Variants in CLEC16A observed in about 807,000 individuals in gnomAD.
CLEC16A encodes the protein protein CLEC16A.
In CLEC16A, 51 loss-of-function variants were observed where a neutral mutation model predicts 109.5. The observed-to-expected ratio is 0.47, with a 90% CI of 0.37 to 0.59. The LOEUF (loss-of-function observed/expected upper bound fraction) is 0.59. Among genes scored for constraint, CLEC16A ranks in the 20% least tolerant of loss-of-function variants. CLEC16A has a pLI of 0.00. For missense variants in CLEC16A, 1,339 were observed against 1,394.0 expected, an observed-to-expected ratio of 0.96 and a Z score of 0.63; for synonymous variants, 673 against 564.2, an observed-to-expected ratio of 1.19 and a Z score of -2.73.
chr16:11,111,063 T>G (rs1170047591), intron 19 of CLEC16A, among the ~76,000 whole-genome samples: 1 of 152,040 alleles, frequency 6.6e-6, no homozygotes, highest in African/African-American at 2.4e-5. Flanking sequence ...CTGAGTTGTT[T>G]CTCTAGGCCA....
chr16:11,154,163 T>C (rs184258548), intron 22 of CLEC16A, among the ~76,000 whole-genome samples: 8 of 152,352 alleles, frequency 5.3e-5, no homozygotes, highest in African/African-American at 1.7e-4. Flanking sequence ...TTGAATACAC[T>C]GCTGGCTGTT....
intron 18 of CLEC16A, 118 bp downstream of exon 18, chr16:11,051,759 C>T (rs2047953559): frequency 4.6e-6 from 6 of 1,317,364 alleles, no homozygotes; most frequent in Non-Finnish European, 6.3e-6. Flanking sequence ...ACAGCTTAGA[C>T]AGTGGATAGA....
intron 11 of CLEC16A, among the ~76,000 whole-genome samples, chr16:11,019,062 G>T (rs540888645): frequency 4.4e-4 from 67 of 152,326 alleles, no homozygotes; most frequent in South Asian, 8.3e-4. Flanking sequence ...GGCAGAGGCG[G>T]TGTCTGAGCC....
At chr16:11,106,515 T>C (rs547577362) in intron 19 of CLEC16A, among the ~76,000 whole-genome samples, 26 of 149,584 alleles carry the variant, frequency 1.7e-4, no homozygotes, top group Non-Finnish European at 3.4e-4. Flanking sequence ...CGAGAATAGC[T>C]CTGGCTATGT....
In CLEC16A at chr16:11,123,742, G is replaced by A. The variant is rs763329151; in HGVS notation, c.2269G>A (p.Asp757Asn). Reference protein sequence around the residue: ...GVVKFAGLLQDMQVTGVEDDS... With the variant: ...GVVKFAGLLQNMQVTGVEDDS... ...TTTTCCTTTGCTTCTCACTGTGCAG[G>A]ACATGCAGGTGACTGGCGTGGAGGA... The change falls in exon 21 of 24, where the codon GAC becomes AAC. Residue 757 changes from aspartate (D) to asparagine (N), a missense_variant and splice_region_variant. This residue lies in a region of CLEC16A where 1,061 missense variants were observed against 1,006.8 expected (regional missense o/e 1.05). Transcript: ENST00000409790. 1.2e-6 allele frequency: 2 copies of A among 1,614,058 alleles called. No homozygotes were observed. The highest frequency in any genetic ancestry group is 8.5e-7 in the Non-Finnish European group (1 of 1,179,894).
chr16:10,957,166 C>G (rs950250942), intron 1 of CLEC16A, among the ~76,000 whole-genome samples: 1 of 152,212 alleles, frequency 6.6e-6, no homozygotes, highest in South Asian at 2.1e-4. Context: ...GGGCTGCAAA[C>G]CACCCAGATC....
chr16:10,994,045 G>A (rs935111902), intron 10 of CLEC16A, among the ~76,000 whole-genome samples: 5 of 152,182 alleles, frequency 3.3e-5, no homozygotes, highest in African/African-American at 7.2e-5. Flanking sequence ...CTGAGCACGC[G>A]GCTGCAAGAG....
chr16:11,013,944 AAAGAAG>A (rs554993853), intron 11 of CLEC16A, among the ~76,000 whole-genome samples: 26 of 151,584 alleles, frequency 1.7e-4, no homozygotes, highest in African/African-American at 2.7e-4. Context: ...GTCTCAAAAA[AAAGAAG>A]AAGAAGAAGA....
At chr16:11,024,037 G>A (rs947853125) in intron 12 of CLEC16A, 2 of 152,220 alleles carry the variant, frequency 1.3e-5, no homozygotes, top group Non-Finnish European at 2.9e-5. Flanking sequence ...AAGCATCAGA[G>A]GTGAGAGACC....
intron 1 of CLEC16A, among the ~76,000 whole-genome samples, chr16:10,955,132 G>A (rs1007330064): frequency 5.3e-5 from 8 of 152,204 alleles, no homozygotes; most frequent in African/African-American, 1.9e-4. Flanking sequence ...AGGGCCAAAG[G>A]TCAAGCCCAA....
At position 11,027,298 on chromosome 16, in the gene CLEC16A, G is replaced by A. The variant is rs377226076; in HGVS notation, c.1537+2377G>A. On this transcript the variant is annotated intron_variant, in intron 13 of 23. Coordinates refer to ENST00000409790, the MANE Select transcript of CLEC16A (RefSeq NM_015226.3). Reference sequence around the variant, plus strand: ...AAACATTCCTTGGCCTTTGTTGTACGCATCGAAAGGATTGATGGCGTGAGT... The same window carrying A: ...AAACATTCCTTGGCCTTTGTTGTACACATCGAAAGGATTGATGGCGTGAGT... 640 of 1,528,178 alleles carry A rather than the reference G, an allele frequency of 4.2e-4. 4 individuals carry two copies. In the African/African-American group the frequency reaches 7.4e-3, roughly 18 times the overall value. 94.7% of individuals were successfully genotyped at this position (1,528,178 alleles called of 1,614,324 possible). A position where few individuals can be genotyped will look rare whatever the true frequency, so the allele number is the denominator to read the frequency against.
intron 22 of CLEC16A, among the ~76,000 whole-genome samples, chr16:11,152,543 G>A (rs1439556167): frequency 6.6e-6 from 1 of 152,262 alleles, no homozygotes. Flanking sequence ...GCACCTGTCA[G>A]AGCAGGGCCA....
chr16:11,174,308 C>T lies in CLEC16A; in HGVS notation c.2807-4027C>T, dbSNP rs1175019863. 1 of 441,282 alleles carries T rather than the reference C, an allele frequency of 2.3e-6. No individual in the cohort carries two copies. The highest frequency in any genetic ancestry group is 1.6e-5 in the South Asian group (1 of 63,678). 27.3% of individuals were successfully genotyped at this position (441,282 alleles called of 1,614,324 possible). The stretch of plus-strand genomic sequence containing the variant: ...TCTCCCCTGTGAGCCGCTCGGGCCG[C>T]GACGTCCACTCGCCACGCTGCATTT... On this transcript the variant is annotated intron_variant, in intron 23 of 23. Transcript: ENST00000409790. The surrounding 1 kb of genome is among the most constrained non-coding windows in gnomAD (Gnocchi z 4.7).
chr16:11,063,995 A>G (rs2048630839), intron 19 of CLEC16A, among the ~76,000 whole-genome samples: 2 of 150,534 alleles, frequency 1.3e-5, no homozygotes, highest in Admixed American at 1.3e-4. Context: ...AGGGGAAGGG[A>G]GGGAAGGGAA....
At chr16:11,086,881 C>T (rs574899527) in intron 19 of CLEC16A, among the ~76,000 whole-genome samples, 84 of 152,278 alleles carry the variant, frequency 5.5e-4, no homozygotes, top group Non-Finnish European at 9.0e-4. Context: ...CAGTTCATGT[C>T]ACCTCAGCTC....
chr16:11,049,070 C>T (rs2047789642), intron 17 of CLEC16A, among the ~76,000 whole-genome samples: 4 of 151,630 alleles, frequency 2.6e-5, no homozygotes, highest in Non-Finnish European at 4.4e-5. Context: ...GCAAGTAGTG[C>T]GTTCTCGGCT....
intron 10 of CLEC16A, among the ~76,000 whole-genome samples, chr16:10,998,894 G>A (rs1483511652): frequency 3.3e-5 from 5 of 152,144 alleles, no homozygotes; most frequent in Non-Finnish European, 5.9e-5. Flanking sequence ...CAGGGTGACC[G>A]GAGCAACAGA....
At chr16:10,982,735 T>C in intron 9 of CLEC16A, 143 bp from the exon 10 acceptor site, 1 of 583,772 alleles carries the variant, frequency 1.7e-6, no homozygotes, top group South Asian at 2.0e-5. Context: ...TTCCTGTGGC[T>C]CATTCTTTGA....
intron 19 of CLEC16A, among the ~76,000 whole-genome samples, chr16:11,096,910 C>T (rs1012589680): frequency 2.0e-5 from 3 of 152,100 alleles, no homozygotes; most frequent in Admixed American, 6.5e-5. Flanking sequence ...ATCACATAAA[C>T]GGTACAGGTG....
Sources: allele counts gnomAD v4.1 joint callset (sites outside exome capture counted in the v4.1 genomes callset), GRCh38; gene constraint gnomAD v4.1.1; regional missense constraint gnomAD v4.1.1; non-coding constraint Gnocchi (gnomAD v3.1); transcripts MANE v1.5; gene names NCBI Gene and HGNC (gene_info 2026-07-23, HGNC 2026-07-21).